Variants in PGM2L1 observed in about 807,000 individuals in gnomAD.
The protein encoded by PGM2L1 is glucose 1,6-bisphosphate synthase.
In PGM2L1, 35 loss-of-function variants were observed where a neutral mutation model predicts 73.4. The ratio of observed to expected loss-of-function variants is 0.48; its 90% confidence interval spans 0.36 to 0.63. The LOEUF is 0.63. Ranked by LOEUF, PGM2L1 falls within the 30% of genes least tolerant of loss-of-function variation. PGM2L1 has a pLI of 0.00. For synonymous variants in PGM2L1, 225 were observed against 253.8 expected (o/e 0.89, Z 1.08); for missense variants, 570 against 742.0 (o/e 0.77, Z 2.69).
intron 1 of PGM2L1, among the ~76,000 whole-genome samples, chr11:74,387,259 T>G (rs1029853048): frequency 2.0e-5 from 3 of 152,176 alleles, no homozygotes; most frequent in South Asian, 4.1e-4. Context: ...ATTAGAAAGG[T>G]TGGGGTCAGA....
At chr11:74,354,899 C>T (rs992858889) in intron 5 of PGM2L1, 1 of 857,502 alleles carries the variant, frequency 1.2e-6, no homozygotes. Flanking sequence ...TCTTTGTAAC[C>T]TTTGATGACC....
rs372232892 is a variant in PGM2L1, at chr11:74,336,693, G to T, written c.1828C>A (p.Leu610Ile). 11 of 1,612,902 alleles carry T rather than the reference G, an allele frequency of 6.8e-6. No homozygotes were observed. Among genetic ancestry groups the T allele is most frequent in the Non-Finnish European group, 7.6e-6 (9 of 1,179,340 alleles). The change falls in exon 14 of 14, where the codon CTT (leucine) becomes ATT (isoleucine). Residue 610 changes from leucine (L) to isoleucine (I), a missense_variant. Transcript: ENST00000298198. ...KLIDALIENF[L>I]QPSKNGLIWR... Reference sequence around the variant, plus strand: ...ATCAGTCCATTCTTACTAGGCTGAAGAAAATTCTCTATCAGAGCATCAATG... The same window carrying T: ...ATCAGTCCATTCTTACTAGGCTGAATAAAATTCTCTATCAGAGCATCAATG...
intron 1 of PGM2L1, among the ~76,000 whole-genome samples, chr11:74,375,074 T>C (rs1268744755): frequency 6.6e-6 from 1 of 152,152 alleles, no homozygotes; most frequent in African/African-American, 2.4e-5. Context: ...ATAAATACCA[T>C]CAAAACATGC....
intron 1 of PGM2L1, among the ~76,000 whole-genome samples, chr11:74,390,775 T>A (rs1371341501): frequency 6.6e-6 from 1 of 152,182 alleles, no homozygotes; most frequent in Non-Finnish European, 1.5e-5. Context: ...TACATTTTGT[T>A]CTATAATCAA....
At chr11:74,359,865 C>T (rs1263464864) in intron 5 of PGM2L1, among the ~76,000 whole-genome samples, 1 of 152,134 alleles carries the variant, frequency 6.6e-6, no homozygotes, top group Non-Finnish European at 1.5e-5. Flanking sequence ...CACTTTTTAA[C>T]CTTGTGCTTA....
rs1273787267 is a variant in PGM2L1 at position 74,345,543 on chromosome 11, C to T, written c.1144G>A (p.Val382Ile). Residue 382 changes from valine (V) to isoleucine (I), a missense_variant, in exon 9 of 14, where the codon GTT becomes ATT. Physicochemically the swap from Val to Ile is conservative, Grantham distance 29. Coordinates refer to ENST00000298198, the MANE Select transcript of PGM2L1 (RefSeq NM_173582.6). ...NKSRNADVKN[V>I]YMLATTVSSK... ...GAGACTGTGGTGGCTAACATATAAA[C>T]GTTCTTCACATCAGCATTTCTTGAT... The T allele has an allele frequency of 9.3e-6, 15 of 1,613,280 alleles. No homozygotes were observed. The highest frequency in any genetic ancestry group is 4.5e-5 in the East Asian group (2 of 44,868).
intron 5 of PGM2L1, chr11:74,354,939 A>C: frequency 2.1e-6 from 2 of 931,712 alleles, no homozygotes; most frequent in Non-Finnish European, 3.5e-6. Context: ...TGTCATTCAG[A>C]AATACCACAC....
chr11:74,339,813 C>T (rs894979923), intron 12 of PGM2L1, among the ~76,000 whole-genome samples: 1 of 152,152 alleles, frequency 6.6e-6, no homozygotes, highest in African/African-American at 2.4e-5. Context: ...ATCTCTGGAC[C>T]TTGTACTTAC....
chr11:74,388,545 G>A (rs765089934), intron 1 of PGM2L1, among the ~76,000 whole-genome samples: 18 of 151,980 alleles, frequency 1.2e-4, no homozygotes, highest in Admixed American at 5.9e-4. Flanking sequence ...AGAAAATGAC[G>A]TGAAAAAATT....
At chr11:74,365,599 A>T (rs1278120001) in intron 5 of PGM2L1, among the ~76,000 whole-genome samples, 3 of 152,220 alleles carry the variant, frequency 2.0e-5, no homozygotes, top group African/African-American at 7.2e-5. Context: ...CAGCCAACAG[A>T]CACATGAAAA....
At chr11:74,355,115 T>C in intron 5 of PGM2L1, 2 of 1,284,026 alleles carry the variant, frequency 1.6e-6, no homozygotes, top group Non-Finnish European at 2.2e-6. Context: ...GAAACTTCAG[T>C]GGTTGTGGTG....
At chr11:74,383,085 C>T (rs183964755) in intron 1 of PGM2L1, among the ~76,000 whole-genome samples, 4 of 152,152 alleles carry the variant, frequency 2.6e-5, no homozygotes, top group Admixed American at 1.3e-4. Context: ...GAAATAATCA[C>T]GGATTCATGT....
intron 12 of PGM2L1, among the ~76,000 whole-genome samples, chr11:74,339,763 A>G (rs1243487207): frequency 6.6e-6 from 1 of 152,120 alleles, no homozygotes; most frequent in Non-Finnish European, 1.5e-5. Context: ...CCAGTTATAG[A>G]CAACTACCTG....
chr11:74,372,303 C>T (rs1411621030), intron 2 of PGM2L1, among the ~76,000 whole-genome samples: 1 of 152,132 alleles, frequency 6.6e-6, no homozygotes, highest in Non-Finnish European at 1.5e-5. Flanking sequence ...CAGTTCTTCA[C>T]TAGAACATTT....
rs112722837 is a variant in PGM2L1 at position 74,381,906 on chromosome 11, C to A, written c.112-7324G>T. ...CCAGCACGCTAACCATTGCTTCCCC[C>A]CCACCCCCACCAATGGTAACCTAGG... On this transcript the variant is annotated intron_variant, in intron 1 of 13. Coordinates refer to ENST00000298198, the MANE Select transcript of PGM2L1 (RefSeq NM_173582.6). Among the ~76,000 whole-genome samples the A allele has an allele frequency of 1.7e-3, 258 of 151,704 alleles. 1 individual carries two copies. The highest frequency in any genetic ancestry group is 4.7e-3 in the African/African-American group (195 of 41,378).
intron 8 of PGM2L1, 86 bp downstream of exon 8, chr11:74,346,646 T>C: frequency 9.8e-7 from 1 of 1,024,566 alleles, no homozygotes; most frequent in Non-Finnish European, 1.5e-6. Context: ...TTCTTATCTT[T>C]TCATTATTTT....
At chr11:74,360,463 T>TA (rs1228487994) in intron 5 of PGM2L1, among the ~76,000 whole-genome samples, 1 of 152,042 alleles carries the variant, frequency 6.6e-6, no homozygotes, top group Non-Finnish European at 1.5e-5. Flanking sequence ...AGCTCCAGTC[T>TA]ACAGCTCCCA....
At position 74,351,489 on chromosome 11, in the gene PGM2L1, C is replaced by G; in HGVS notation, c.643G>C (p.Gly215Arg). 2 of 1,613,876 alleles carry G rather than the reference C, an allele frequency of 1.2e-6. No homozygotes were observed. The highest frequency in any genetic ancestry group is 4.5e-5 in the East Asian group (2 of 44,864). ...TCCACTAAATTATCATTCCAGGAAC[C>G]ATTCCAGGGTTCCACACATTCTTCT... ...CIEECVEPWN[G>R]SWNDNLVDTS... The change falls in exon 6 of 14, where the codon GGT becomes CGT. Residue 215 changes from glycine to arginine, a missense_variant. Transcript: ENST00000298198.
chr11:74,376,302 G>A (rs1009940838), intron 1 of PGM2L1, among the ~76,000 whole-genome samples: 6 of 151,990 alleles, frequency 3.9e-5, no homozygotes, highest in Admixed American at 2.0e-4. Flanking sequence ...AGACAGGATG[G>A]GAACCTAGGC....
Sources: gnomAD v4.1 joint callset for allele counts (sites outside exome capture counted in the v4.1 genomes callset) on GRCh38, gnomAD v4.1.1 for gene constraint, MANE v1.5 for transcripts, NCBI Gene and HGNC (gene_info 2026-07-23, HGNC 2026-07-21) for gene names.